Variants in GPC5 observed in about 807,000 individuals in gnomAD.
The protein encoded by GPC5 is glypican 5.
A neutral mutation model predicts 53.9 loss-of-function variants in GPC5; 47 were observed. That is an observed-to-expected ratio of 0.87 (90% CI 0.69 to 1.11). The LOEUF (loss-of-function observed/expected upper bound fraction) is 1.11. GPC5 is among the 50% of genes most tolerant of loss of function. The pLI is 0.00. For missense variants in GPC5, 748 were observed against 713.1 expected (o/e 1.05, Z -0.56); for synonymous variants, 286 against 263.3 (o/e 1.09, Z -0.84).
intron 7 of GPC5, among the ~76,000 whole-genome samples, chr13:92,678,487 T>TA (rs1339291034): frequency 1.3e-5 from 2 of 152,266 alleles, no homozygotes; most frequent in East Asian, 3.9e-4. Context: ...CAAGTGGATG[T>TA]AAAAAATAAC....
chr13:92,011,058 T>G (rs2138774206), intron 6 of GPC5, among the ~76,000 whole-genome samples: 1 of 152,330 alleles, frequency 6.6e-6, no homozygotes, highest in African/African-American at 2.4e-5. Context: ...CAACATGAAA[T>G]ACATTAAAAA....
chr13:92,550,368 G>T (rs1046268824), intron 7 of GPC5, among the ~76,000 whole-genome samples: 4 of 151,770 alleles, frequency 2.6e-5, no homozygotes, highest in Non-Finnish European at 5.9e-5. Context: ...CAGTATATAT[G>T]TCTCTGATAA....
At chr13:92,561,943 C>T (rs1882711258) in intron 7 of GPC5, among the ~76,000 whole-genome samples, 1 of 152,010 alleles carries the variant, frequency 6.6e-6, no homozygotes, top group African/African-American at 2.4e-5. Context: ...GAGATCAACT[C>T]ATTAGATAAA....
chr13:92,358,666 C>T (rs892101265), intron 7 of GPC5, among the ~76,000 whole-genome samples: 3 of 151,958 alleles, frequency 2.0e-5, no homozygotes, highest in Non-Finnish European at 2.9e-5. Flanking sequence ...AGGCTTAACC[C>T]CATGTGGAAG....
At chr13:92,136,699 GT>G (rs1331292832) in intron 6 of GPC5, among the ~76,000 whole-genome samples, 1 of 151,232 alleles carries the variant, frequency 6.6e-6, no homozygotes, top group African/African-American at 2.4e-5. Context: ...CTGCTCTCAT[GT>G]TTGGAGATAT....
At chr13:91,854,767 A>G (rs2038949473) in intron 5 of GPC5, among the ~76,000 whole-genome samples, 2 of 151,852 alleles carry the variant, frequency 1.3e-5, no homozygotes, top group African/African-American at 4.8e-5. Flanking sequence ...ATTTTTATAA[A>G]ACATTTTTGT....
chr13:91,637,484 G>A (rs2034313355), intron 2 of GPC5, among the ~76,000 whole-genome samples: 1 of 152,162 alleles, frequency 6.6e-6, no homozygotes, highest in African/African-American at 2.4e-5. Flanking sequence ...CTGTGGACAA[G>A]GGATATAGTC....
chr13:92,362,500 T>A (rs1335632467), intron 7 of GPC5, among the ~76,000 whole-genome samples: 1 of 151,938 alleles, frequency 6.6e-6, no homozygotes, highest in East Asian at 1.9e-4. Context: ...AAGATTTTGT[T>A]CTATGACGAA....
intron 7 of GPC5, among the ~76,000 whole-genome samples, chr13:92,859,933 A>G (rs1197301854): frequency 2.0e-5 from 3 of 152,164 alleles, no homozygotes; most frequent in African/African-American, 7.2e-5. Flanking sequence ...CAAAAGATCT[A>G]AACAATATTC....
intron 5 of GPC5, among the ~76,000 whole-genome samples, chr13:91,881,047 T>C (rs1308661240): frequency 2.6e-5 from 4 of 152,118 alleles, no homozygotes; most frequent in Non-Finnish European, 5.9e-5. Flanking sequence ...CGCTTCGGCC[T>C]CCCAAAATGC....
At chr13:92,107,634 C>T (rs183167295) in intron 6 of GPC5, among the ~76,000 whole-genome samples, 23 of 152,156 alleles carry the variant, frequency 1.5e-4, no homozygotes, top group Admixed American at 1.4e-3. Context: ...TTGCCTTTCT[C>T]TGAAATATTT....
At chr13:91,845,973 T>C (rs949474346) in intron 5 of GPC5, among the ~76,000 whole-genome samples, 1 of 152,186 alleles carries the variant, frequency 6.6e-6, no homozygotes, top group African/African-American at 2.4e-5. Flanking sequence ...TCATAGTTAA[T>C]ACTTTAACTG....
At chr13:92,350,732 C>T (rs531075557) in intron 7 of GPC5, among the ~76,000 whole-genome samples, 150 of 152,254 alleles carry the variant, frequency 9.9e-4, no homozygotes, top group African/African-American at 3.5e-3. Flanking sequence ...TATTAATTAG[C>T]TTAATTTTAT....
chr13:92,702,982 A>C (rs1887804201), intron 7 of GPC5, among the ~76,000 whole-genome samples: 1 of 151,856 alleles, frequency 6.6e-6, no homozygotes, highest in South Asian at 2.1e-4. Flanking sequence ...GTTCAGAGAG[A>C]CCTACCTATT....
chr13:91,571,809 A>G lies in GPC5; in HGVS notation c.326-121378A>G, dbSNP rs540641007. Among the ~76,000 whole-genome samples, 98 of 108,456 alleles carry G rather than the reference A, an allele frequency of 9.0e-4. 12 individuals are homozygous for G. Among genetic ancestry groups the G allele is most frequent in the African/African-American group, 3.2e-3 (82 of 25,342 alleles). 71.2% of individuals were successfully genotyped at this position (108,456 alleles called of 152,430 possible). The stretch of plus-strand genomic sequence containing the variant: ...TATACGTGTGTGTATATATACACAC[A>G]CATACGTGTGTGTATATATACACAT... On this transcript the variant is annotated intron_variant, in intron 2 of 7. Coordinates refer to ENST00000377067, the MANE Select transcript of GPC5 (RefSeq NM_004466.6).
rs1265076463 is a variant in GPC5 at position 91,572,230 on chromosome 13, T to C, written c.326-120957T>C. On this transcript the variant is annotated intron_variant, in intron 2 of 7. Transcript: ENST00000377067. ...ATATACGTGTATATATATACACATA[T>C]GTATATACATGTGTATATATATACA... Among the ~76,000 whole-genome samples the C allele has an allele frequency of 2.0e-4, 29 of 146,650 alleles. 1 individual carries two copies. Among genetic ancestry groups the C allele is most frequent in the South Asian group, 6.6e-4 (3 of 4,566 alleles).
At chr13:92,098,099 T>C (rs2041435772) in intron 6 of GPC5, among the ~76,000 whole-genome samples, 1 of 152,194 alleles carries the variant, frequency 6.6e-6, no homozygotes, top group Non-Finnish European at 1.5e-5. Context: ...TACAGATTAT[T>C]TTGTCACCCT....
chr13:92,781,127 A>G (rs912698265), intron 7 of GPC5, among the ~76,000 whole-genome samples: 1 of 152,144 alleles, frequency 6.6e-6, no homozygotes, highest in Admixed American at 6.6e-5. Flanking sequence ...AATAGCTATA[A>G]TGGACAAAAT....
At chr13:91,958,397 G>A (rs897308315) in intron 6 of GPC5, among the ~76,000 whole-genome samples, 47 of 151,944 alleles carry the variant, frequency 3.1e-4, no homozygotes, top group Non-Finnish European at 1.0e-4. Context: ...TATATTATTA[G>A]TGCAAAGGGA....
Sources: allele counts gnomAD v4.1 joint callset (sites outside exome capture counted in the v4.1 genomes callset), GRCh38; gene constraint gnomAD v4.1.1; transcripts MANE v1.5; gene names NCBI Gene and HGNC (gene_info 2026-07-23, HGNC 2026-07-21).